Variants in NUBPL observed in about 807,000 individuals in gnomAD.
NUBPL encodes iron-sulfur cluster transfer protein NUBPL.
In NUBPL, 31 loss-of-function variants were observed where a neutral mutation model predicts 45.7. The observed-to-expected ratio is 0.68, with a 90% CI of 0.51 to 0.92. The LOEUF is 0.92. Among genes scored for constraint, NUBPL ranks in the 40% least tolerant of loss-of-function variants. The probability of loss-of-function intolerance (pLI) is 0.00; values close to 1 mark genes in which losing one functional copy is unlikely to be tolerated. For synonymous variants in NUBPL, 144 were observed against 140.9 expected (o/e 1.02, Z -0.15); for missense variants, 401 against 398.7 (o/e 1.01, Z -0.05).
At chr14:31,770,655 A>G (rs1480427471) in intron 6 of NUBPL, among the ~76,000 whole-genome samples, 2 of 152,174 alleles carry the variant, frequency 1.3e-5, no homozygotes, top group African/African-American at 4.8e-5. Flanking sequence ...GCCTTTCATT[A>G]GTTTTACAAA....
At chr14:31,568,931 C>A (rs544392403) in intron 3 of NUBPL, among the ~76,000 whole-genome samples, 47 of 152,226 alleles carry the variant, frequency 3.1e-4, no homozygotes, top group African/African-American at 7.7e-4. Flanking sequence ...GAACATTTTT[C>A]TTTTCTATTT....
At chr14:31,583,735 C>G (rs2033923328) in intron 3 of NUBPL, among the ~76,000 whole-genome samples, 4 of 151,994 alleles carry the variant, frequency 2.6e-5, no homozygotes, top group Admixed American at 6.6e-5. Context: ...TCAGGTTAGG[C>G]TATTACAGTA....
intron 6 of NUBPL, among the ~76,000 whole-genome samples, chr14:31,719,747 C>T (rs1232403263): frequency 6.6e-6 from 1 of 152,060 alleles, no homozygotes; most frequent in African/African-American, 2.4e-5. Flanking sequence ...ATTATAATGG[C>T]CCATTACCCC....
intron 3 of NUBPL, among the ~76,000 whole-genome samples, chr14:31,576,487 T>C (rs2033720239): frequency 6.6e-6 from 1 of 152,172 alleles, no homozygotes; most frequent in African/African-American, 2.4e-5. Flanking sequence ...TCTGAAACTC[T>C]TGGGCTTAAG....
chr14:31,833,991 A>G (rs908627132), intron 8 of NUBPL, among the ~76,000 whole-genome samples: 2 of 152,218 alleles, frequency 1.3e-5, no homozygotes, highest in Non-Finnish European at 2.9e-5. Context: ...AAACAAATAT[A>G]TAGATTAAAT....
chr14:31,837,753 T>G lies in NUBPL; in HGVS notation c.694-8718T>G, dbSNP rs150577466. ...AGGCAAGAGACCCGAGCAGGCACTTTATGGAAGAGGATATACAAATGACAA... is the reference window on the plus strand; with the variant it reads ...AGGCAAGAGACCCGAGCAGGCACTTGATGGAAGAGGATATACAAATGACAA... On this transcript the variant is annotated intron_variant, in intron 8 of 10. Coordinates refer to ENST00000281081, the MANE Select transcript of NUBPL (RefSeq NM_025152.3). Among the ~76,000 whole-genome samples the G allele has an allele frequency of 1.1e-3, 171 of 152,294 alleles. 1 individual carries two copies. The highest frequency in any genetic ancestry group is 3.4e-3 in the African/African-American group (143 of 41,552).
At chr14:31,581,427 A>T (rs770979475) in intron 3 of NUBPL, among the ~76,000 whole-genome samples, 1 of 151,926 alleles carries the variant, frequency 6.6e-6, no homozygotes, top group South Asian at 2.1e-4. Flanking sequence ...CCACTAATCT[A>T]CTTTCTGTCT....
chr14:31,633,674 G>T (rs2035404728), intron 4 of NUBPL, among the ~76,000 whole-genome samples: 1 of 152,088 alleles, frequency 6.6e-6, no homozygotes, highest in African/African-American at 2.4e-5. Context: ...AGATTTTGTT[G>T]TTCCATGACA....
At chr14:31,810,505 G>A (rs1189787150) in intron 7 of NUBPL, among the ~76,000 whole-genome samples, 1 of 152,092 alleles carries the variant, frequency 6.6e-6, no homozygotes, top group Non-Finnish European at 1.5e-5. Flanking sequence ...TTGAGCCTAT[G>A]TATGTCTCTG....
chr14:31,820,139 CAAAAA>C (rs59044182), intron 7 of NUBPL, among the ~76,000 whole-genome samples: 1 of 111,592 alleles, frequency 9.0e-6, no homozygotes, highest in Non-Finnish European at 1.8e-5. Context: ...GACTCCATCT[CAAAAA>C]AAAAAAAAAG....
chr14:31,762,135 G>C (rs1322661501), intron 6 of NUBPL, among the ~76,000 whole-genome samples: 4 of 152,046 alleles, frequency 2.6e-5, no homozygotes, highest in African/African-American at 9.7e-5. Context: ...AGAGAGCTTT[G>C]GTTTTTAAAA....
chr14:31,827,303 G>A (rs918086505), intron 8 of NUBPL, among the ~76,000 whole-genome samples: 15 of 149,400 alleles, frequency 1.0e-4, no homozygotes, highest in African/African-American at 3.4e-4. Flanking sequence ...AGCAGCCAAA[G>A]GAAAAGAAAA....
Position 31,824,494 on chromosome 14 carries a change from A to G in NUBPL, c.608-2135A>G, listed in dbSNP as rs1332386654. On this transcript the variant is annotated intron_variant, in intron 7 of 10. Transcript: ENST00000281081. Reference sequence around the variant, plus strand: ...AAAAATTAAATTAAATACAAGCAAAACTTACAAAATCAGTAAAATTCAAAT... The same window carrying G: ...AAAAATTAAATTAAATACAAGCAAAGCTTACAAAATCAGTAAAATTCAAAT... 3.3e-5 allele frequency among the ~76,000 whole-genome samples: 5 copies of G among 152,196 alleles called. No individual in the cohort carries two copies. The South Asian group carries it at 1.0e-3, about 31-fold the overall frequency.
At chr14:31,801,923 A>T (rs79341883) in intron 7 of NUBPL, among the ~76,000 whole-genome samples, 5,242 of 152,294 alleles carry the variant, frequency 0.034, 284 homozygotes, top group African/African-American at 0.12. Flanking sequence ...GACAGTAGTC[A>T]GCTAGTTAAT....
At chr14:31,815,037 T>C (rs1293758830) in intron 7 of NUBPL, among the ~76,000 whole-genome samples, 6 of 152,220 alleles carry the variant, frequency 3.9e-5, no homozygotes, top group South Asian at 2.1e-4. Flanking sequence ...TTTGATTCCG[T>C]ATGAAACTTA....
intron 9 of NUBPL, among the ~76,000 whole-genome samples, chr14:31,849,877 CCTTG>C (rs1432243727): frequency 6.6e-6 from 1 of 152,174 alleles, no homozygotes; most frequent in Non-Finnish European, 1.5e-5. Flanking sequence ...AGGCCTCATA[CCTTG>C]ATGTGGTGCC....
intron 7 of NUBPL, among the ~76,000 whole-genome samples, chr14:31,802,533 C>T (rs945309904): frequency 1.1e-4 from 16 of 152,154 alleles, no homozygotes; most frequent in Non-Finnish European, 2.2e-4. Context: ...ACCTGGGCCT[C>T]CCAAAGTGCT....
chr14:31,577,829 A>G, intron 3 of NUBPL: 1 of 261,974 alleles, frequency 3.8e-6, no homozygotes, highest in Non-Finnish European at 5.9e-6. Context: ...AGCTCCTGTC[A>G]TCCTTCAGGT....
intron 3 of NUBPL, among the ~76,000 whole-genome samples, chr14:31,597,050 C>G (rs1402564246): frequency 6.6e-6 from 1 of 152,142 alleles, no homozygotes; most frequent in Non-Finnish European, 1.5e-5. Context: ...TCTAATGTCC[C>G]TTTATCCTGT....
Sources: gnomAD v4.1 joint callset for allele counts (sites outside exome capture counted in the v4.1 genomes callset) on GRCh38, gnomAD v4.1.1 for gene constraint, MANE v1.5 for transcripts, NCBI Gene and HGNC (gene_info 2026-07-23, HGNC 2026-07-21) for gene names.